The following NBAS variants were observed in gnomAD, a reference collection of about 807,000 sequenced individuals.
The protein encoded by NBAS is NBAS subunit of NRZ tethering complex, also known as NAG/BC035112 fusion.
Under a neutral mutation model 302.5 loss-of-function variants are expected in NBAS, and 219 were observed. The observed-to-expected ratio is 0.72, with a 90% CI of 0.65 to 0.81. The LOEUF (loss-of-function observed/expected upper bound fraction) is 0.81. Among genes scored for constraint, NBAS ranks in the 30% least tolerant of loss-of-function variants. The pLI is 0.00. For synonymous variants in NBAS, 1,118 were observed against 1,021.6 expected (o/e 1.09, Z -1.80); for missense variants, 2,932 against 2,841.6 (o/e 1.03, Z -0.72).
At chr2:14,967,517 T>G in the NBAS span, among the ~76,000 whole-genome samples, 1 of 152,144 alleles carries the variant, frequency 6.6e-6, no homozygotes. Context: ...TTGACAAAGG[T>G]ACAAGAGCAC....
At chr2:15,412,564 T>C (rs912876315) in intron 25 of NBAS, among the ~76,000 whole-genome samples, 2 of 152,222 alleles carry the variant, frequency 1.3e-5, no homozygotes, top group African/African-American at 4.8e-5. Context: ...TTACTAAAAA[T>C]ACTTTGTGCA....
chr2:15,255,168 T>C (rs1463276872), intron 44 of NBAS, among the ~76,000 whole-genome samples: 2 of 152,250 alleles, frequency 1.3e-5, no homozygotes. Flanking sequence ...GTTGTACTAG[T>C]TTACATTCCC....
chr2:14,883,933 C>CTG, the NBAS span, among the ~76,000 whole-genome samples: 1 of 150,706 alleles, frequency 6.6e-6, no homozygotes, highest in African/African-American at 2.4e-5. Context: ...GATTGCCTCA[C>CTG]TGTACTCCAG....
rs114459169 is a variant in NBAS at position 15,259,401 on chromosome 2, C to T, written c.5724+16083G>A. On this transcript the variant is annotated intron_variant, in intron 44 of 51. Coordinates refer to ENST00000281513, the MANE Select transcript of NBAS (RefSeq NM_015909.4). ...ATGTCCCTAGAATGACTCCAGTCCC[C>T]GTCAAAATGCCAAGAAAGTTCAAAG... Among the ~76,000 whole-genome samples the T allele has an allele frequency of 4.1e-3, 621 of 152,260 alleles. 3 individuals carry two copies. The highest frequency in any genetic ancestry group is 0.014 in the South Asian group (68 of 4,822).
At chr2:15,237,324 C>T (rs6746618) in intron 45 of NBAS, among the ~76,000 whole-genome samples, 32,050 of 151,822 alleles carry the variant, frequency 0.21, 3,888 homozygotes, top group East Asian at 0.44. Context: ...AACCTCATCA[C>T]AGGTAGGGAA....
At chr2:15,507,014 C>T (rs1661888561) in intron 10 of NBAS, among the ~76,000 whole-genome samples, 1 of 152,144 alleles carries the variant, frequency 6.6e-6, no homozygotes, top group Non-Finnish European at 1.5e-5. Context: ...AACTCTTGAG[C>T]ATTGTAAGGA....
the NBAS span, among the ~76,000 whole-genome samples, chr2:15,133,648 G>A: frequency 4.6e-5 from 7 of 152,168 alleles, no homozygotes; most frequent in African/African-American, 1.7e-4. Flanking sequence ...GGGAACTACT[G>A]GAGGATTCAA....
the NBAS span, among the ~76,000 whole-genome samples, chr2:14,831,674 T>C: frequency 6.6e-6 from 1 of 152,308 alleles, no homozygotes; most frequent in East Asian, 1.9e-4. Context: ...TCATTTCTTA[T>C]GTAAAGCTGC....
the NBAS span, among the ~76,000 whole-genome samples, chr2:14,820,953 G>C: frequency 2.0e-5 from 3 of 150,676 alleles, no homozygotes; most frequent in South Asian, 2.1e-4. Context: ...TTTCCGAGAC[G>C]GAGTCTTGCT....
At chr2:14,994,566 TC>T in the NBAS span, among the ~76,000 whole-genome samples, 1 of 152,194 alleles carries the variant, frequency 6.6e-6, no homozygotes, top group South Asian at 2.1e-4. Flanking sequence ...CTGACGCTCC[TC>T]GATTCTCTTC....
At chr2:15,226,847 A>C (rs1172495439) in intron 47 of NBAS, among the ~76,000 whole-genome samples, 1 of 152,180 alleles carries the variant, frequency 6.6e-6, no homozygotes, top group Non-Finnish European at 1.5e-5. Context: ...TGATCATGCT[A>C]TGTGCAAACG....
At chr2:14,973,041 G>A in the NBAS span, among the ~76,000 whole-genome samples, 12 of 152,248 alleles carry the variant, frequency 7.9e-5, no homozygotes, top group East Asian at 5.8e-4. Context: ...TGGCGCTCAC[G>A]CCACCCTGAT....
intron 5 of NBAS, among the ~76,000 whole-genome samples, 154 bp from the exon 6 acceptor site, chr2:15,551,690 T>G (rs1664393742): frequency 6.6e-6 from 1 of 152,218 alleles, no homozygotes; most frequent in East Asian, 1.9e-4. Flanking sequence ...GACCCTTTTG[T>G]CAGTGACAAT....
chr2:14,862,126 C>T, the NBAS span, among the ~76,000 whole-genome samples: 1 of 149,162 alleles, frequency 6.7e-6, no homozygotes, highest in Non-Finnish European at 1.5e-5. Flanking sequence ...TGGAAGTGAG[C>T]CAGATTTATT....
intron 21 of NBAS, among the ~76,000 whole-genome samples, chr2:15,429,573 G>C (rs1677658156): frequency 6.6e-6 from 1 of 152,148 alleles, no homozygotes. Context: ...TGAGGTCTGG[G>C]AAGGGGCAGT....
At chr2:15,289,617 C>T (rs1670210725) in intron 41 of NBAS, among the ~76,000 whole-genome samples, 1 of 152,074 alleles carries the variant, frequency 6.6e-6, no homozygotes, top group Non-Finnish European at 1.5e-5. Flanking sequence ...TCACAGTTAC[C>T]CTGCCTGACC....
the NBAS span, among the ~76,000 whole-genome samples, chr2:14,902,272 C>T: frequency 6.6e-6 from 1 of 152,182 alleles, no homozygotes; most frequent in African/African-American, 2.4e-5. Flanking sequence ...GCTGGGATTA[C>T]AGGCATGCGC....
the NBAS span, among the ~76,000 whole-genome samples, chr2:15,025,629 C>A: frequency 1.3e-5 from 2 of 152,026 alleles, no homozygotes; most frequent in African/African-American, 4.8e-5. Context: ...TGTGTCACAT[C>A]TGATTTCCTT....
At chr2:15,169,184 T>C (rs1201352797) in intron 51 of NBAS, among the ~76,000 whole-genome samples, 1 of 152,164 alleles carries the variant, frequency 6.6e-6, no homozygotes, top group Non-Finnish European at 1.5e-5. Flanking sequence ...CAGTGTCTTT[T>C]CTCCGGCCTC....
Sources: allele counts gnomAD v4.1 joint callset (sites outside exome capture counted in the v4.1 genomes callset), GRCh38; gene constraint gnomAD v4.1.1; transcripts MANE v1.5; gene names NCBI Gene and HGNC (gene_info 2026-07-23, HGNC 2026-07-21).